The following GCFC2 variants were observed in gnomAD, a reference collection of about 807,000 sequenced individuals.
GCFC2 encodes GC-rich sequence DNA-binding factor 2.
A neutral mutation model predicts 99.4 loss-of-function variants in GCFC2; 102 were observed. The observed-to-expected ratio is 1.03, with a 90% CI of 0.87 to 1.21. The LOEUF (loss-of-function observed/expected upper bound fraction) is 1.21. Among genes scored for constraint, GCFC2 ranks in the 50% most tolerant of loss-of-function variants. The probability of loss-of-function intolerance (pLI) is 0.00; values close to 1 mark genes in which losing one functional copy is unlikely to be tolerated. For synonymous variants in GCFC2, 338 were observed against 316.8 expected, an observed-to-expected ratio of 1.07 and a Z score of -0.71; for missense variants, 973 against 920.9, an observed-to-expected ratio of 1.06 and a Z score of -0.73.
At chr2:75,678,096 T>C (rs760476719) in intron 12 of GCFC2, among the ~76,000 whole-genome samples, 1 of 152,186 alleles carries the variant, frequency 6.6e-6, no homozygotes, top group Non-Finnish European at 1.5e-5. Context: ...TTAACCCTTC[T>C]GGGCCCCAGC....
At chr2:75,684,141 T>C (rs553183152) in intron 11 of GCFC2, among the ~76,000 whole-genome samples, 3 of 152,334 alleles carry the variant, frequency 2.0e-5, no homozygotes, top group East Asian at 3.9e-4. Context: ...AATAGACATC[T>C]ATAGAACTCT....
At chr2:75,704,725 C>T (rs533424578) in intron 2 of GCFC2, among the ~76,000 whole-genome samples, 1 of 152,342 alleles carries the variant, frequency 6.6e-6, no homozygotes, top group South Asian at 2.1e-4. Flanking sequence ...TGCTCTGTTG[C>T]CCAGGCTGGA....
At chr2:75,665,311 T>C (rs1395767272) in intron 16 of GCFC2, among the ~76,000 whole-genome samples, 1 of 152,018 alleles carries the variant, frequency 6.6e-6, no homozygotes, top group African/African-American at 2.4e-5. Flanking sequence ...CCACCATGCC[T>C]AGCTAATTTT....
intron 5 of GCFC2, among the ~76,000 whole-genome samples, chr2:75,694,776 TA>T (rs1438971944): frequency 6.6e-6 from 1 of 152,116 alleles, no homozygotes; most frequent in African/African-American, 2.4e-5. Flanking sequence ...AACTTGTAAG[TA>T]AATATCATGT....
At chr2:75,707,780 T>C (rs1680940056) in intron 1 of GCFC2, among the ~76,000 whole-genome samples, 1 of 147,118 alleles carries the variant, frequency 6.8e-6, no homozygotes, top group Non-Finnish European at 1.5e-5. Flanking sequence ...ATGTTGATAT[T>C]TATATAATGA....
upstream of GCFC2, among the ~76,000 whole-genome samples, chr2:75,711,920 C>T (rs185738252): frequency 1.8e-3 from 273 of 152,364 alleles, 1 homozygote; most frequent in African/African-American, 6.1e-3. Flanking sequence ...TGCTCCACGG[C>T]GCCCAGTCCC....
intron 11 of GCFC2, among the ~76,000 whole-genome samples, chr2:75,686,879 C>T (rs1318073131): frequency 6.6e-6 from 1 of 151,942 alleles, no homozygotes; most frequent in Non-Finnish European, 1.5e-5. Flanking sequence ...GTCTGAAGCA[C>T]AAGCATTAAT....
chr2:75,680,615 T>C (rs1394581372), intron 11 of GCFC2, among the ~76,000 whole-genome samples: 1 of 152,210 alleles, frequency 6.6e-6, no homozygotes, highest in African/African-American at 2.4e-5. Flanking sequence ...ACTTGATCAC[T>C]ATACAACTTG....
intron 16 of GCFC2, among the ~76,000 whole-genome samples, chr2:75,665,370 T>C (rs1446072141): frequency 1.3e-5 from 2 of 152,086 alleles, no homozygotes; most frequent in Admixed American, 6.6e-5. Flanking sequence ...CCCAGGCTGT[T>C]CTCAAACTCC....
chr2:75,710,872 C>G lies in GCFC2; in HGVS notation c.-17G>C. On this transcript the variant is annotated 5_prime_UTR_variant, in exon 1 of 17. Coordinates refer to ENST00000321027, the MANE Select transcript of GCFC2 (RefSeq NM_003203.5). ...GTGAGCCATGGCCGAGGCCCGAGCGCCCGGCGCCCTAGAACCCGCTGAACC... is the reference window on the plus strand; with the variant it reads ...GTGAGCCATGGCCGAGGCCCGAGCGGCCGGCGCCCTAGAACCCGCTGAACC... 14 of 1,536,086 alleles carry G rather than the reference C, an allele frequency of 9.1e-6. No individual in the cohort carries two copies. Among genetic ancestry groups the G allele is most frequent in the Non-Finnish European group, 1.2e-5 (14 of 1,148,068 alleles).
chr2:75,673,374 T>C (rs926058807), intron 13 of GCFC2, 70 bp downstream of exon 13: 2 of 747,712 alleles, frequency 2.7e-6, no homozygotes, highest in South Asian at 3.0e-5. Flanking sequence ...TTCTTTTGCA[T>C]TGCATTCTTA....
chr2:75,695,163 A>C (rs938511204), intron 5 of GCFC2, among the ~76,000 whole-genome samples: 1 of 152,206 alleles, frequency 6.6e-6, no homozygotes, highest in African/African-American at 2.4e-5. Flanking sequence ...GCAAACTACC[A>C]GTCCATCCTT....
At chr2:75,681,322 A>AAAATGACCAGCT in intron 11 of GCFC2, among the ~76,000 whole-genome samples, 3 of 149,428 alleles carry the variant, frequency 2.0e-5, no homozygotes, top group African/African-American at 7.7e-5. Flanking sequence ...TGGGAAGCAC[A>AAAATGACCAGCT]AGGGGTTGGG....
intron 11 of GCFC2, among the ~76,000 whole-genome samples, chr2:75,681,380 G>A (rs1045753696): frequency 2.0e-5 from 3 of 149,476 alleles, no homozygotes; most frequent in South Asian, 2.1e-4. Flanking sequence ...CGTGCCAGGA[G>A]GAACAGTGCA....
intron 5 of GCFC2, among the ~76,000 whole-genome samples, chr2:75,694,872 G>A (rs1680236165): frequency 6.6e-6 from 1 of 152,016 alleles, no homozygotes; most frequent in Admixed American, 6.6e-5. Context: ...TGCTTATAAA[G>A]ATATACATAT....
chr2:75,710,828 G>T lies in GCFC2; in HGVS notation c.28C>A (p.Arg10=), dbSNP rs1447741378. The stretch of plus-strand genomic sequence containing the variant: ...TCGCTGGAATCAGCCGCGCGCTGCC[G>T]AAAAGTCCTTTTCGGCCTGTGAGCC... MAHRPKRTF[R]QRAADSSDSD... is the part of the protein sequence containing the mutation. Residue 10 remains arginine, a synonymous_variant, in exon 1 of 17, where the codon CGG becomes AGG. Transcript: ENST00000321027. 2 of 1,578,098 alleles carry T rather than the reference G, an allele frequency of 1.3e-6. No homozygotes were observed. The highest frequency in any genetic ancestry group is 1.7e-6 in the Non-Finnish European group (2 of 1,169,852).
intron 11 of GCFC2, among the ~76,000 whole-genome samples, chr2:75,687,595 G>A (rs973657524): frequency 2.0e-5 from 3 of 152,164 alleles, no homozygotes; most frequent in South Asian, 2.1e-4. Flanking sequence ...CTGATGATAC[G>A]TCAGATGAGG....
rs146939111 is a variant in GCFC2, at chr2:75,697,370, C to T, written c.718-1055G>A. On this transcript the variant is annotated intron_variant, in intron 4 of 16. Transcript: ENST00000321027. Reference sequence around the variant, plus strand: ...TCACCAAGCCTCCCATCCAGCTCTACGCATATCTACAAAATCTCCAAACAC... The same window carrying T: ...TCACCAAGCCTCCCATCCAGCTCTATGCATATCTACAAAATCTCCAAACAC... Among the ~76,000 whole-genome samples the T allele has an allele frequency of 2.2e-3, 338 of 152,340 alleles. 4 individuals are homozygous for T. Among genetic ancestry groups the T allele is most frequent in the Middle Eastern group, 0.02 (6 of 294 alleles).
chr2:75,695,546 A>G (rs1253317878), intron 5 of GCFC2, among the ~76,000 whole-genome samples: 1 of 152,208 alleles, frequency 6.6e-6, no homozygotes, highest in Admixed American at 6.5e-5. Flanking sequence ...TAAAGACTAA[A>G]AAGACATATC....
Sources: allele counts gnomAD v4.1 joint callset (sites outside exome capture counted in the v4.1 genomes callset), GRCh38; gene constraint gnomAD v4.1.1; transcripts MANE v1.5; gene names NCBI Gene and HGNC (gene_info 2026-07-23, HGNC 2026-07-21).